RALGAPA1: variants seen among roughly 807,000 people sequenced by gnomAD.
The protein encoded by RALGAPA1 is Ral GTPase activating protein catalytic subunit alpha 1, also known as ral GTPase-activating protein subunit alpha-1.
Under a neutral mutation model 269.6 loss-of-function variants are expected in RALGAPA1, and 52 were observed. The ratio of observed to expected loss-of-function variants is 0.19; its 90% CI spans 0.15 to 0.24. The LOEUF (loss-of-function observed/expected upper bound fraction) is 0.24, where lower values mean the gene tolerates loss of function less well. RALGAPA1 is among the 10% of genes least tolerant of loss of function. The pLI, the probability that RALGAPA1 is intolerant of heterozygous loss-of-function variation, is 1.00. For synonymous variants in RALGAPA1, 817 were observed against 1,008.3 expected (o/e 0.81, Z 3.60); for missense variants, 1,917 against 3,013.9 (o/e 0.64, Z 8.52).
chr14:35,750,807 G>T, intron 8 of RALGAPA1, 117 bp from the exon 9 acceptor site: 1 of 864,134 alleles, frequency 1.2e-6, no homozygotes. Flanking sequence ...TTCAGAAGTA[G>T]CTTTAGCACA....
intron 39 of RALGAPA1, among the ~76,000 whole-genome samples, chr14:35,566,965 C>T (rs568521166): frequency 6.7e-6 from 1 of 150,220 alleles, no homozygotes. Flanking sequence ...ATACTACTAG[C>T]CTTTGCTGCA....
chr14:35,641,985 T>C (rs1274907037), intron 31 of RALGAPA1, among the ~76,000 whole-genome samples: 1 of 152,006 alleles, frequency 6.6e-6, no homozygotes, highest in Non-Finnish European at 1.5e-5. Context: ...GTAAATAATA[T>C]ATATTATGGA....
At chr14:35,567,738 C>A (rs1223555937) in intron 39 of RALGAPA1, among the ~76,000 whole-genome samples, 1 of 152,076 alleles carries the variant, frequency 6.6e-6, no homozygotes, top group Non-Finnish European at 1.5e-5. Context: ...TGTTGTTGTA[C>A]CTCATGTCAG....
At chr14:35,669,551 G>A (rs563214104) in intron 26 of RALGAPA1, among the ~76,000 whole-genome samples, 1 of 152,224 alleles carries the variant, frequency 6.6e-6, no homozygotes, top group Non-Finnish European at 1.5e-5. Flanking sequence ...ACCATGCCTG[G>A]CCATCTTTAT....
chr14:35,622,835 AT>A (rs1481053673), intron 35 of RALGAPA1, among the ~76,000 whole-genome samples: 3 of 152,246 alleles, frequency 2.0e-5, no homozygotes, highest in Non-Finnish European at 4.4e-5. Flanking sequence ...ACAATGGCTC[AT>A]GCCTATAATC....
intron 22 of RALGAPA1, chr14:35,676,673 C>T (rs1168937736): frequency 1.3e-5 from 2 of 152,160 alleles, no homozygotes; most frequent in African/African-American, 4.8e-5. Context: ...AAAACATACA[C>T]TTATTAGGAC....
chr14:35,750,932 G>C (rs1203544999), intron 8 of RALGAPA1, among the ~76,000 whole-genome samples: 2 of 152,100 alleles, frequency 1.3e-5, no homozygotes, highest in Non-Finnish European at 2.9e-5. Context: ...AAAGTTCAGT[G>C]AACCTACCTA....
intron 19 of RALGAPA1, among the ~76,000 whole-genome samples, chr14:35,685,443 A>G (rs1440537596): frequency 6.6e-6 from 1 of 152,172 alleles, no homozygotes; most frequent in Non-Finnish European, 1.5e-5. Context: ...GTGGAAAAAA[A>G]GCAGCAAATA....
At chr14:35,718,848 T>TTG (rs946076441) in intron 16 of RALGAPA1, among the ~76,000 whole-genome samples, 2 of 151,198 alleles carry the variant, frequency 1.3e-5, no homozygotes, top group African/African-American at 4.9e-5. Flanking sequence ...GGATTTTTTT[T>TTG]TTTTTTTTGG....
intron 1 of RALGAPA1, among the ~76,000 whole-genome samples, chr14:35,779,596 G>A (rs2075298843): frequency 6.6e-6 from 1 of 151,094 alleles, no homozygotes; most frequent in African/African-American, 2.4e-5. Flanking sequence ...GAAATAGGCT[G>A]CTACAATTAC....
chr14:35,655,109 A>T (rs1447526171), intron 29 of RALGAPA1, among the ~76,000 whole-genome samples: 1 of 152,164 alleles, frequency 6.6e-6, no homozygotes, highest in Admixed American at 6.5e-5. Context: ...TATTATTAAT[A>T]TCTTGAAGCT....
intron 36 of RALGAPA1, among the ~76,000 whole-genome samples, chr14:35,603,879 G>T (rs2059430048): frequency 6.6e-6 from 1 of 152,036 alleles, no homozygotes; most frequent in Non-Finnish European, 1.5e-5. Flanking sequence ...AGATAGGCTG[G>T]CTAATGAATA....
intron 6 of RALGAPA1, among the ~76,000 whole-genome samples, chr14:35,757,137 A>C (rs1174131308): frequency 7.1e-6 from 1 of 140,340 alleles, no homozygotes; most frequent in African/African-American, 2.7e-5. Flanking sequence ...TTTTTTTTTG[A>C]GACGGAGTCT....
intron 26 of RALGAPA1, among the ~76,000 whole-genome samples, chr14:35,670,514 C>T (rs2064315811): frequency 6.6e-6 from 1 of 152,154 alleles, no homozygotes; most frequent in South Asian, 2.1e-4. Flanking sequence ...GCATTATTGC[C>T]TTCCTCTCTA....
At chr14:35,595,294 A>G (rs1352092202) in intron 37 of RALGAPA1, among the ~76,000 whole-genome samples, 1 of 152,068 alleles carries the variant, frequency 6.6e-6, no homozygotes, top group Non-Finnish European at 1.5e-5. Flanking sequence ...TGTCATACAC[A>G]CATAAAAAAA....
At position 35,802,546 on chromosome 14, in the gene RALGAPA1, G is replaced by T. The variant is rs143953104; in HGVS notation, c.106+6184C>A. Among the ~76,000 whole-genome samples, 623 of 152,190 alleles carry T rather than the reference G, an allele frequency of 4.1e-3. 13 individuals carry two copies. The highest frequency in any genetic ancestry group is 0.035 in the Admixed American group (541 of 15,284). On this transcript the variant is annotated intron_variant, in intron 1 of 41. Coordinates refer to ENST00000680220, the MANE Select transcript of RALGAPA1 (RefSeq NM_001346249.2). The stretch of plus-strand genomic sequence containing the variant: ...GAGAAATTAAAGAAGTCCTAAGTAG[G>T]TGGAGAAACGCCTTGTTCATGAATC...
chr14:35,700,813 G>A (rs2067275981), intron 16 of RALGAPA1, among the ~76,000 whole-genome samples: 1 of 152,068 alleles, frequency 6.6e-6, no homozygotes, highest in African/African-American at 2.4e-5. Flanking sequence ...GTCTTTCTTA[G>A]AAATTTTTAG....
chr14:35,625,363 C>G lies in RALGAPA1; in HGVS notation c.6927G>C (p.Gln2309His). The G allele has an allele frequency of 6.2e-7, 1 of 1,608,564 alleles. No homozygotes were observed. Among genetic ancestry groups the G allele is most frequent in the East Asian group, 2.2e-5 (1 of 44,730 alleles). The change falls in exon 35 of 42, where the codon CAG becomes CAC. Residue 2309 changes from glutamine to histidine, a missense_variant and splice_region_variant. Physicochemically the swap from Gln to His is conservative, Grantham distance 24. Coordinates refer to ENST00000680220, the MANE Select transcript of RALGAPA1 (RefSeq NM_001346249.2). Reference protein sequence around the residue: ...LRELRNLDSRQCRETHKIAVF... With the variant: ...LRELRNLDSRHCRETHKIAVF... ...GTGAAGATTTTCCAACAACTTACCA[C>G]TGCCTTGAATCCAAGTTCCTAAGTT...
At chr14:35,803,548 C>T (rs569268738) in intron 1 of RALGAPA1, among the ~76,000 whole-genome samples, 4 of 151,566 alleles carry the variant, frequency 2.6e-5, no homozygotes, top group Admixed American at 2.0e-4. Context: ...TTTAAGAGAA[C>T]GAAGAGACAG....
Sources: allele counts gnomAD v4.1 joint callset (sites outside exome capture counted in the v4.1 genomes callset), GRCh38; gene constraint gnomAD v4.1.1; transcripts MANE v1.5; gene names NCBI Gene and HGNC (gene_info 2026-07-23, HGNC 2026-07-21).